Variants in WDR7 observed in about 807,000 individuals in gnomAD.
WDR7 encodes the protein WD repeat domain 7.
A neutral mutation model predicts 169.4 loss-of-function variants in WDR7; 46 were observed. The ratio of observed to expected loss-of-function variants is 0.27; its 90% CI spans 0.21 to 0.35. The LOEUF is 0.35. Ranked by LOEUF, WDR7 falls within the 10% of genes least tolerant of loss-of-function variation. WDR7 has a pLI of 1.00. For synonymous variants in WDR7, 612 were observed against 666.8 expected, an observed-to-expected ratio of 0.92 and a Z score of 1.27; for missense variants, 1,534 against 1,859.3, an observed-to-expected ratio of 0.83 and a Z score of 3.22.
intron 14 of WDR7, among the ~76,000 whole-genome samples, chr18:56,750,045 G>A (rs558248358): frequency 6.6e-6 from 1 of 151,938 alleles, no homozygotes; most frequent in African/African-American, 2.4e-5. Context: ...GTGTGTTTAT[G>A]TGCCAAAAAA....
intron 26 of WDR7, among the ~76,000 whole-genome samples, chr18:56,991,414 G>A (rs547691511): frequency 6.6e-6 from 1 of 152,266 alleles, no homozygotes; most frequent in African/African-American, 2.4e-5. Context: ...CAAAGTGCTA[G>A]GATTACAGGC....
At chr18:56,663,891 T>C (rs1459368980) in intron 1 of WDR7, among the ~76,000 whole-genome samples, 4 of 151,788 alleles carry the variant, frequency 2.6e-5, no homozygotes, top group African/African-American at 7.3e-5. Flanking sequence ...CAACATGAGG[T>C]AACAGGGTTA....
chr18:56,718,011 A>G lies in WDR7; in HGVS notation c.1626A>G (p.Val542=), dbSNP rs772119032. ...CICSVASDHS[V]GLLSLREKKC... is the part of the protein sequence containing the mutation. Reference sequence around the variant, plus strand: ...GCTCTGTAGCCAGTGACCACTCAGTAGGACTTCTAAGTTTGCGAGAGAAAA... The same window carrying G: ...GCTCTGTAGCCAGTGACCACTCAGTGGGACTTCTAAGTTTGCGAGAGAAAA... Residue 542 remains valine (V), a synonymous_variant, in exon 13 of 28, where the codon GTA becomes GTG. Coordinates refer to ENST00000254442, the MANE Select transcript of WDR7 (RefSeq NM_015285.3). The G allele has an allele frequency of 2.6e-5, 42 of 1,614,028 alleles. No individual in the cohort carries two copies. The South Asian group carries it at 4.3e-4, about 16-fold the overall frequency.
intron 20 of WDR7, among the ~76,000 whole-genome samples, chr18:56,863,111 G>A (rs1308340028): frequency 6.6e-6 from 1 of 151,552 alleles, no homozygotes; most frequent in African/African-American, 2.4e-5. Context: ...ATCTTTAAAG[G>A]CATGAATTAT....
At position 56,757,275 on chromosome 18, in the gene WDR7, C is replaced by A; in HGVS notation, c.2682C>A (p.Ile894=). 6.2e-7 allele frequency: 1 copy of A among 1,614,180 alleles called. No individual in the cohort carries two copies. The highest frequency in any genetic ancestry group is 8.5e-7 in the Non-Finnish European group (1 of 1,180,032). ...RAVTTQHLLS[I]ISLANTLMSM... ...TCACCACACAGCATCTCCTGTCTATCATTTCTTTGGCAAATACTTTAATGA... is the reference window on the plus strand; with the variant it reads ...TCACCACACAGCATCTCCTGTCTATAATTTCTTTGGCAAATACTTTAATGA... Residue 894 remains isoleucine (I), a synonymous_variant, in exon 15 of 28, where the codon ATC becomes ATA. Coordinates refer to ENST00000254442, the MANE Select transcript of WDR7 (RefSeq NM_015285.3).
intron 14 of WDR7, among the ~76,000 whole-genome samples, chr18:56,733,689 T>C (rs1568164594): frequency 1.3e-5 from 2 of 152,340 alleles, no homozygotes; most frequent in East Asian, 3.9e-4. Context: ...GATTTTTTTC[T>C]CACAGTAGAA....
intron 20 of WDR7, among the ~76,000 whole-genome samples, chr18:56,821,085 A>G (rs1325594231): frequency 6.6e-6 from 1 of 152,174 alleles, no homozygotes; most frequent in Non-Finnish European, 1.5e-5. Context: ...CTTTACTGCC[A>G]GACACTGTTT....
intron 21 of WDR7, among the ~76,000 whole-genome samples, chr18:56,911,251 C>T (rs10048404): frequency 0.28 from 42,590 of 152,056 alleles, 7,208 homozygotes; most frequent in Middle Eastern, 0.42. Context: ...CTCTTTACTG[C>T]GCTGACTCTA....
At chr18:56,832,061 G>A (rs1433467351) in intron 20 of WDR7, among the ~76,000 whole-genome samples, 1 of 152,108 alleles carries the variant, frequency 6.6e-6, no homozygotes. Flanking sequence ...TTCCCACCCC[G>A]ACAGAGCCCA....
chr18:56,973,691 A>G (rs2047524304), intron 26 of WDR7, among the ~76,000 whole-genome samples: 1 of 152,166 alleles, frequency 6.6e-6, no homozygotes, highest in South Asian at 2.1e-4. Flanking sequence ...TCTAAAACAT[A>G]TGTAATGAGG....
At chr18:56,840,889 A>G (rs1021768543) in intron 20 of WDR7, among the ~76,000 whole-genome samples, 2 of 152,044 alleles carry the variant, frequency 1.3e-5, no homozygotes. Flanking sequence ...GCATGTTAGT[A>G]AACTATAAAA....
At chr18:57,022,207 G>C (rs1443248094) in intron 27 of WDR7, among the ~76,000 whole-genome samples, 1 of 152,154 alleles carries the variant, frequency 6.6e-6, no homozygotes, top group Non-Finnish European at 1.5e-5. Context: ...GTTCTTTAAG[G>C]ATTTTACCTA....
chr18:56,837,390 T>C (rs1215407668), intron 20 of WDR7, among the ~76,000 whole-genome samples: 2 of 152,210 alleles, frequency 1.3e-5, no homozygotes, highest in East Asian at 3.8e-4. Context: ...TCATCAGCTG[T>C]CATCACCAAC....
At chr18:56,663,880 A>G (rs2024963853) in intron 1 of WDR7, among the ~76,000 whole-genome samples, 1 of 152,114 alleles carries the variant, frequency 6.6e-6, no homozygotes, top group African/African-American at 2.4e-5. Flanking sequence ...AAAAACAACA[A>G]CAACATGAGG....
At chr18:56,759,642 A>G (rs537913899) in intron 16 of WDR7, among the ~76,000 whole-genome samples, 2 of 152,336 alleles carry the variant, frequency 1.3e-5, no homozygotes, top group South Asian at 4.1e-4. Context: ...CACTTTGGAC[A>G]AAGAGTTAAT....
chr18:56,898,732 G>T (rs1233582401), intron 21 of WDR7, among the ~76,000 whole-genome samples: 1 of 152,068 alleles, frequency 6.6e-6, no homozygotes, highest in Non-Finnish European at 1.5e-5. Flanking sequence ...ACAGATTGAA[G>T]AAGACTAAAG....
At chr18:56,892,456 A>G (rs1487619988) in intron 21 of WDR7, among the ~76,000 whole-genome samples, 1 of 152,070 alleles carries the variant, frequency 6.6e-6, no homozygotes, top group Non-Finnish European at 1.5e-5. Context: ...TGTTATGTTG[A>G]ATATAATTGT....
At chr18:56,808,975 C>G (rs1370820713) in intron 19 of WDR7, among the ~76,000 whole-genome samples, 1 of 151,996 alleles carries the variant, frequency 6.6e-6, no homozygotes, top group African/African-American at 2.4e-5. Flanking sequence ...CATAGTCTTT[C>G]TTGTCCTCTA....
intron 26 of WDR7, among the ~76,000 whole-genome samples, chr18:56,968,305 C>T (rs2047439837): frequency 6.6e-6 from 1 of 152,048 alleles, no homozygotes; most frequent in Non-Finnish European, 1.5e-5. Context: ...CTAAAAAACT[C>T]TGAGGCTTTA....
Sources: allele counts gnomAD v4.1 joint callset (sites outside exome capture counted in the v4.1 genomes callset), GRCh38; gene constraint gnomAD v4.1.1; transcripts MANE v1.5; gene names NCBI Gene and HGNC (gene_info 2026-07-23, HGNC 2026-07-21).